Variants in PVALB observed in about 807,000 individuals in gnomAD.
PVALB encodes parvalbumin alpha.
A neutral mutation model predicts 10.9 loss-of-function variants in PVALB; 11 were observed. The observed-to-expected ratio is 1.01, with a 90% CI of 0.63 to 1.67. PVALB has a LOEUF of 1.67. PVALB is among the 40% of genes most tolerant of loss of function. The probability of loss-of-function intolerance (pLI) is 0.00; values close to 1 mark genes in which losing one functional copy is unlikely to be tolerated. For synonymous variants in PVALB, 57 were observed against 50.7 expected (o/e 1.12, Z -0.53); for missense variants, 131 against 136.2 (o/e 0.96, Z 0.19).
intron 1 of PVALB, among the ~76,000 whole-genome samples, chr22:36,815,732 T>G (rs1939128930): frequency 6.6e-6 from 1 of 152,002 alleles, no homozygotes; most frequent in Non-Finnish European, 1.5e-5. Context: ...CTCAAGGTCA[T>G]ACAGTGGGAG....
intron 2 of PVALB, among the ~76,000 whole-genome samples, chr22:36,814,003 T>C (rs113342709): frequency 0.017 from 2,652 of 152,318 alleles, 84 homozygotes; most frequent in African/African-American, 0.061. Flanking sequence ...GGAGGGCACC[T>C]ACATTCGTTA....
At position 36,813,687 on chromosome 22, in the gene PVALB, G is replaced by C; in HGVS notation, c.263C>G (p.Ala88Gly). ...GCCGTCCCCATCTTTGTCTCCAGCA[G>C]CCATCAGCATCTTGGTTTCTTTAGC... is the stretch of plus-strand genomic sequence containing the variant. ...LSAKETKMLM[A>G]AGDKDGDGKI... Residue 88 changes from alanine to glycine, a missense_variant, in exon 3 of 4, where the codon GCT becomes GGT. Physicochemically the swap from Ala to Gly is moderately conservative, Grantham distance 60 (BLOSUM62 0). Transcript: ENST00000417718. 1 of 1,614,182 alleles carries C rather than the reference G, an allele frequency of 6.2e-7. No individual in the cohort carries two copies. Among genetic ancestry groups the C allele is most frequent in the Non-Finnish European group, 8.5e-7 (1 of 1,180,036 alleles).
rs117552789 is a variant in PVALB, at chr22:36,809,010, T to C, written c.304+4636A>G. On this transcript the variant is annotated intron_variant, in intron 3 of 3. Transcript: ENST00000417718. Reference sequence around the variant, plus strand: ...GAGACGGGAATGCAAAGGGTTATTATTAGAACTTTGTCTTCCTACCCCCTC... The same window carrying C: ...GAGACGGGAATGCAAAGGGTTATTACTAGAACTTTGTCTTCCTACCCCCTC... 1.3e-3 allele frequency among the ~76,000 whole-genome samples: 197 copies of C among 152,292 alleles called. 3 individuals carry two copies. In the East Asian group the frequency reaches 0.037, roughly 28 times the overall value.
At chr22:36,817,669 T>C (rs1312774845), upstream of PVALB, among the ~76,000 whole-genome samples, 1 of 152,150 alleles carries the variant, frequency 6.6e-6, no homozygotes, top group East Asian at 1.9e-4. Flanking sequence ...CCATCCCACA[T>C]CTGGCCAGGG....
upstream of PVALB, chr22:36,817,045 T>C: frequency 6.3e-7 from 1 of 1,579,096 alleles, no homozygotes. Flanking sequence ...TGCGAAAAGA[T>C]TAAAAAGTGC....
At chr22:36,809,197 C>T (rs750558321) in intron 3 of PVALB, among the ~76,000 whole-genome samples, 18 of 152,210 alleles carry the variant, frequency 1.2e-4, no homozygotes, top group Non-Finnish European at 2.4e-4. Flanking sequence ...TCTCCCACTA[C>T]ATACAGCAGT....
chr22:36,802,786 G>A (rs921252107), intron 3 of PVALB, among the ~76,000 whole-genome samples: 1 of 152,054 alleles, frequency 6.6e-6, no homozygotes, highest in African/African-American at 2.4e-5. Flanking sequence ...GGGGATGCAG[G>A]GTGGGAGAGA....
chr22:36,816,864 CCGG>C, intron 1 of PVALB, 78 bp downstream of exon 1: 1 of 1,287,602 alleles, frequency 7.8e-7, no homozygotes, highest in African/African-American at 1.6e-5. Flanking sequence ...GGAGGATCCG[CCGG>C]CTGCGGGGCC....
At chr22:36,815,850 C>A (rs1939130883) in intron 1 of PVALB, among the ~76,000 whole-genome samples, 1 of 151,906 alleles carries the variant, frequency 6.6e-6, no homozygotes, top group Non-Finnish European at 1.5e-5. Flanking sequence ...AAGTTTCTTC[C>A]CACATGGGCT....
upstream of PVALB, chr22:36,817,183 G>A (rs1357474380): frequency 6.2e-6 from 3 of 480,540 alleles, no homozygotes; most frequent in Admixed American, 4.5e-5. Context: ...GTCCAGCCGC[G>A]CCGCTGAGCA....
chr22:36,803,276 A>T (rs1569089887), intron 3 of PVALB, among the ~76,000 whole-genome samples: 1 of 152,188 alleles, frequency 6.6e-6, no homozygotes, highest in Non-Finnish European at 1.5e-5. Flanking sequence ...AGAGTGACAC[A>T]TGTCCCAGCT....
At chr22:36,816,035 A>T (rs979480866) in intron 1 of PVALB, among the ~76,000 whole-genome samples, 4 of 138,004 alleles carry the variant, frequency 2.9e-5, no homozygotes, top group Non-Finnish European at 6.0e-5. Context: ...ACAATGTTAG[A>T]TCATGTATTT....
At chr22:36,809,322 T>G (rs376197332) in intron 3 of PVALB, among the ~76,000 whole-genome samples, 2 of 152,270 alleles carry the variant, frequency 1.3e-5, no homozygotes, top group East Asian at 1.9e-4. Flanking sequence ...CAGGCCCTAT[T>G]CTAGGTGCTG....
At chr22:36,804,444 G>A (rs867835145) in intron 3 of PVALB, among the ~76,000 whole-genome samples, 2 of 152,148 alleles carry the variant, frequency 1.3e-5, no homozygotes, top group African/African-American at 4.8e-5. Flanking sequence ...GCTGGCCTTC[G>A]GCAGAGAACA....
chr22:36,813,751 T>G lies in PVALB; in HGVS notation c.199A>C (p.Ile67Leu). 1 of 1,610,730 alleles carries G rather than the reference T, an allele frequency of 6.2e-7. No homozygotes were observed. The highest frequency in any genetic ancestry group is 8.5e-7 in the Non-Finnish European group (1 of 1,177,006). Residue 67 changes from isoleucine to leucine, a missense_variant, in exon 3 of 4, where the codon ATC becomes CTC. By Grantham distance (5) the Ile-to-Leu change is conservative. Coordinates refer to ENST00000417718, the MANE Select transcript of PVALB (RefSeq NM_001315532.2). ...GFIEEDELGF[I>L]LKGFSPDARD... ...GCATCTGGGGAGAAGCCTTTTAGGA[T>G]GAATCTGGAGGAGAAAAGGGAGAAA... is the stretch of plus-strand genomic sequence containing the variant.
chr22:36,806,997 C>T (rs1177768920), intron 3 of PVALB, among the ~76,000 whole-genome samples: 2 of 152,200 alleles, frequency 1.3e-5, no homozygotes, highest in African/African-American at 4.8e-5. Context: ...TTCCACCAAG[C>T]AGCTGCTCCC....
At chr22:36,818,677 C>T (rs2284026), upstream of PVALB, 91,093 of 152,422 alleles carry the variant, frequency 0.6, 30,699 homozygotes, top group East Asian at 0.85. Flanking sequence ...CAGCTCACTC[C>T]AGGAGCCTAG....
At chr22:36,819,339 G>GTCACTA (rs1939202142), upstream of PVALB, 2 of 152,180 alleles carry the variant, frequency 1.3e-5, no homozygotes, top group South Asian at 4.1e-4. Flanking sequence ...CCCTCCCCGG[G>GTCACTA]TCACTACGGA....
chr22:36,811,191 T>C (rs1939040977), intron 3 of PVALB, among the ~76,000 whole-genome samples: 1 of 151,890 alleles, frequency 6.6e-6, no homozygotes, highest in South Asian at 2.1e-4. Flanking sequence ...GAGGGGGGAA[T>C]TGCTTAAACC....
Sources: allele counts gnomAD v4.1 joint callset (sites outside exome capture counted in the v4.1 genomes callset), GRCh38; gene constraint gnomAD v4.1.1; transcripts MANE v1.5; gene names NCBI Gene and HGNC (gene_info 2026-07-23, HGNC 2026-07-21).